PTPRD: variants seen among roughly 807,000 people sequenced by gnomAD.
The protein encoded by PTPRD is receptor-type tyrosine-protein phosphatase delta.
A neutral mutation model predicts 214.5 loss-of-function variants in PTPRD; 34 were observed. That is an observed-to-expected ratio of 0.16 (90% CI 0.12 to 0.21). PTPRD has a LOEUF of 0.21. PTPRD is among the 10% of genes least tolerant of loss of function. The pLI is 1.00. For missense variants in PTPRD, 2,545 were observed against 2,398.7 expected, an observed-to-expected ratio of 1.06 and a Z score of -1.27; for synonymous variants, 1,128 against 845.7, an observed-to-expected ratio of 1.33 and a Z score of -5.79.
chr9:9,819,621 G>A (rs56266877), intron 5 of PTPRD, among the ~76,000 whole-genome samples: 24,038 of 151,998 alleles, frequency 0.16, 2,005 homozygotes, highest in Non-Finnish European at 0.18. Flanking sequence ...CAGGTACTGA[G>A]CATAGTCCCC....
chr9:8,827,472 T>C (rs551616901), intron 11 of PTPRD, among the ~76,000 whole-genome samples: 1 of 152,102 alleles, frequency 6.6e-6, no homozygotes, highest in South Asian at 2.1e-4. Flanking sequence ...CCAGGTATGG[T>C]GGCGCACCCC....
intron 12 of PTPRD, among the ~76,000 whole-genome samples, chr9:8,699,347 A>AC (rs1390521789): frequency 6.6e-6 from 1 of 152,202 alleles, no homozygotes; most frequent in Non-Finnish European, 1.5e-5. Flanking sequence ...CTGTCAATAC[A>AC]CCTCATATCA....
At chr9:8,820,437 T>A (rs767226859) in intron 11 of PTPRD, among the ~76,000 whole-genome samples, 2 of 152,174 alleles carry the variant, frequency 1.3e-5, no homozygotes, top group African/African-American at 4.8e-5. Context: ...AATATATTTA[T>A]AATTTTAATA....
chr9:10,353,127 ATCT>A (rs549684745), intron 2 of PTPRD, among the ~76,000 whole-genome samples: 13 of 151,988 alleles, frequency 8.6e-5, no homozygotes, highest in Non-Finnish European at 1.9e-4. Flanking sequence ...AAATAGAATA[ATCT>A]TCTTTAAAAT....
intron 9 of PTPRD, among the ~76,000 whole-genome samples, chr9:9,198,729 T>C (rs958168165): frequency 2.0e-5 from 3 of 152,206 alleles, no homozygotes; most frequent in African/African-American, 7.2e-5. Flanking sequence ...AGATGCCTTA[T>C]GATTCCCTTG....
chr9:10,434,764 G>C (rs1387142824), intron 2 of PTPRD, among the ~76,000 whole-genome samples: 2 of 151,872 alleles, frequency 1.3e-5, no homozygotes, highest in African/African-American at 2.4e-5. Context: ...TTTTGTCAAA[G>C]CTTATTTTCT....
chr9:9,402,773 G>C (rs1322856913), intron 8 of PTPRD, among the ~76,000 whole-genome samples: 1 of 151,488 alleles, frequency 6.6e-6, no homozygotes, highest in African/African-American at 2.4e-5. Flanking sequence ...CCCATTTTCA[G>C]AAAAATGAAA....
chr9:10,452,347 G>T (rs1270585532), intron 2 of PTPRD, among the ~76,000 whole-genome samples: 1 of 151,728 alleles, frequency 6.6e-6, no homozygotes, highest in Non-Finnish European at 1.5e-5. Context: ...CTTTAAGAGT[G>T]ATTGATGGAT....
chr9:9,315,576 T>G (rs891206658), intron 9 of PTPRD, among the ~76,000 whole-genome samples: 1 of 151,980 alleles, frequency 6.6e-6, no homozygotes. Context: ...TTCACTTTTT[T>G]GGGGGCCACT....
chr9:8,761,965 C>A (rs758346709), intron 11 of PTPRD, among the ~76,000 whole-genome samples: 1 of 152,122 alleles, frequency 6.6e-6, no homozygotes, highest in Non-Finnish European at 1.5e-5. Context: ...ACATGAATCA[C>A]AGAGGGTCAA....
intron 39 of PTPRD, among the ~76,000 whole-genome samples, chr9:8,367,137 G>C (rs776403882): frequency 4.6e-5 from 7 of 152,084 alleles, no homozygotes; most frequent in Non-Finnish European, 7.4e-5. Flanking sequence ...AATGAGCCTA[G>C]TTCTCTGTAT....
chr9:8,723,124 C>T (rs1419923247), intron 12 of PTPRD, among the ~76,000 whole-genome samples: 2 of 152,134 alleles, frequency 1.3e-5, no homozygotes, highest in Middle Eastern at 6.3e-3. Context: ...ACCCTTTATA[C>T]GACCTCCAGG....
At chr9:9,506,910 G>A (rs1437648836) in intron 8 of PTPRD, among the ~76,000 whole-genome samples, 1 of 151,336 alleles carries the variant, frequency 6.6e-6, no homozygotes, top group African/African-American at 2.4e-5. Context: ...TAATGATTAT[G>A]TTTTAAGATT....
chr9:8,925,515 G>C lies in PTPRD; in HGVS notation c.-104+93182C>G, dbSNP rs187105457. Among the ~76,000 whole-genome samples the C allele has an allele frequency of 6.1e-4, 84 of 137,536 alleles. 1 individual carries two copies. The highest frequency in any genetic ancestry group is 6.0e-3 in the Admixed American group (83 of 13,884). 90.2% of individuals were successfully genotyped at this position (137,536 alleles called of 152,430 possible). ...CCCCGAAACAGAAAAACAAAACAAA[G>C]AAAACAAACAAAAAAAACCAACTAC... On this transcript the variant is annotated intron_variant, in intron 11 of 45. Coordinates refer to ENST00000381196, the MANE Select transcript of PTPRD (RefSeq NM_002839.4).
rs797003830 is a variant in PTPRD at position 8,389,077 on chromosome 9, T to C, written c.4386+155A>G. 1.3e-4 allele frequency among the ~76,000 whole-genome samples: 19 copies of C among 151,018 alleles called. 2 individuals are homozygous for C. The highest frequency in any genetic ancestry group is 4.6e-4 in the African/African-American group (19 of 41,226). On this transcript the variant is annotated intron_variant, in intron 37 of 45. Coordinates refer to ENST00000381196, the MANE Select transcript of PTPRD (RefSeq NM_002839.4). The stretch of plus-strand genomic sequence containing the variant: ...AAACACCCAGAGGAGTTTTAAAGAA[T>C]GGTTTAATTAGAGTTGTTGATGCCC...
intron 9 of PTPRD, among the ~76,000 whole-genome samples, chr9:9,212,717 A>C (rs1214228164): frequency 1.3e-5 from 2 of 152,138 alleles, no homozygotes; most frequent in Non-Finnish European, 2.9e-5. Flanking sequence ...TCATTTAAGG[A>C]ACTAATACAG....
At chr9:10,495,511 T>C (rs1660666875) in intron 2 of PTPRD, among the ~76,000 whole-genome samples, 1 of 151,912 alleles carries the variant, frequency 6.6e-6, no homozygotes, top group Non-Finnish European at 1.5e-5. Context: ...AATTATCCTC[T>C]CTGATAATAA....
chr9:10,049,322 T>C (rs1363068831), intron 3 of PTPRD, among the ~76,000 whole-genome samples: 2 of 151,030 alleles, frequency 1.3e-5, no homozygotes, highest in African/African-American at 2.4e-5. Flanking sequence ...TGGCCCTGCA[T>C]CTTCAATACT....
At position 10,271,476 on chromosome 9, in the gene PTPRD, A is replaced by T. The variant is rs951491026; in HGVS notation, c.-545+69487T>A. ...TGAAAAAATATTCTTAATTATCTCA[A>T]GTGTTTTCTTATAAATTAATAAGCA... On this transcript the variant is annotated intron_variant, in intron 3 of 45. Coordinates refer to ENST00000381196, the MANE Select transcript of PTPRD (RefSeq NM_002839.4). 2.1e-4 allele frequency among the ~76,000 whole-genome samples: 7 copies of T among 33,842 alleles called. No individual in the cohort carries two copies. In the East Asian group the frequency reaches 5.4e-3, roughly 26 times the overall value. 22.2% of individuals were successfully genotyped at this position (33,842 alleles called of 152,430 possible).
Sources: gnomAD v4.1 joint callset for allele counts (sites outside exome capture counted in the v4.1 genomes callset) on GRCh38, gnomAD v4.1.1 for gene constraint, MANE v1.5 for transcripts, NCBI Gene and HGNC (gene_info 2026-07-23, HGNC 2026-07-21) for gene names.